TNPO2: variants seen among roughly 807,000 people sequenced by gnomAD.
TNPO2 encodes transportin-2.
A neutral mutation model predicts 111.1 loss-of-function variants in TNPO2; 16 were observed. The observed-to-expected ratio is 0.14, with a 90% CI of 0.10 to 0.22. The LOEUF (loss-of-function observed/expected upper bound fraction) is 0.22. TNPO2 is among the 10% of genes least tolerant of loss of function. The pLI, the probability that TNPO2 is intolerant of heterozygous loss-of-function variation, is 1.00. For synonymous variants in TNPO2, 481 were observed against 475.8 expected (o/e 1.01, Z -0.14); for missense variants, 530 against 1,173.7 (o/e 0.45, Z 8.01).
rs2025189793 is a variant in TNPO2 at position 12,699,705 on chromosome 19, C to T, written c.*1559G>A. ...GGCTTCCAGAGACCTGCTCGAGTTT[C>T]ATGGGGTGGGCGTGCAGGGACACCC... On this transcript the variant is annotated 3_prime_UTR_variant, in exon 26 of 26. Transcript: ENST00000425528. 2 of 149,378 alleles carry T rather than the reference C, an allele frequency of 1.3e-5. No homozygotes were observed. Among genetic ancestry groups the T allele is most frequent in the South Asian group, 4.2e-4 (2 of 4,744 alleles). 9.3% of individuals were successfully genotyped at this position (149,378 alleles called of 1,614,324 possible). A position where few individuals can be genotyped will look rare whatever the true frequency, so the allele number is the denominator to read the frequency against.
rs749119033 is a variant in TNPO2, at chr19:12,705,443, C to T, written c.1864-45G>A. On this transcript the variant is annotated intron_variant, in intron 17 of 25. Coordinates refer to ENST00000425528, the MANE Select transcript of TNPO2 (RefSeq NM_001382241.1). The surrounding 1 kb of genome is among the most constrained non-coding windows in gnomAD (Gnocchi z 7.2). The stretch of plus-strand genomic sequence containing the variant: ...GGGGCACGGGTAAGTGGAGCAGGCC[C>T]GAGGCAGGCCAATGCAGAAGCACAG... The T allele has an allele frequency of 5.0e-5, 79 of 1,573,856 alleles. No homozygotes were observed. Among genetic ancestry groups the T allele is most frequent in the Non-Finnish European group, 6.1e-5 (71 of 1,159,638 alleles).
chr19:12,707,141 G>A (rs2145500929), intron 13 of TNPO2, among the ~76,000 whole-genome samples: 1 of 152,270 alleles, frequency 6.6e-6, no homozygotes, highest in East Asian at 1.9e-4. Flanking sequence ...GGGATTACAG[G>A]CCTCTGCCAC....
chr19:12,702,819 C>A lies in TNPO2; in HGVS notation c.2305+4G>T. On this transcript the variant is annotated splice_donor_region_variant and intron_variant, in intron 21 of 25. Coordinates refer to ENST00000425528, the MANE Select transcript of TNPO2 (RefSeq NM_001382241.1). This position sits in a 1 kb window ranked among gnomAD's most constrained non-coding sequence, Gnocchi z 5.5. The stretch of plus-strand genomic sequence containing the variant: ...TGCAGGCAGCAGCCGGGCCAGGTGC[C>A]CACCTGTGTTTTCCAGCAGTGTCTT... 6.2e-7 allele frequency: 1 copy of A among 1,613,692 alleles called. No individual in the cohort carries two copies. Among genetic ancestry groups the A allele is most frequent in the Non-Finnish European group, 8.5e-7 (1 of 1,179,656 alleles).
chr19:12,717,009 T>C (rs1295545031), intron 5 of TNPO2, among the ~76,000 whole-genome samples: 1 of 152,066 alleles, frequency 6.6e-6, no homozygotes, highest in Non-Finnish European at 1.5e-5. Context: ...GCCAGGACAG[T>C]GCACATATCT....
At chr19:12,717,460 T>G (rs951165981) in intron 5 of TNPO2, among the ~76,000 whole-genome samples, 1 of 151,480 alleles carries the variant, frequency 6.6e-6, no homozygotes, top group Non-Finnish European at 1.5e-5. Context: ...TTAGTAGAGA[T>G]AGAGTTTCAC....
rs780055881 is a variant in TNPO2 at position 12,719,954 on chromosome 19, CTTTT to C, written c.100-622_100-619del. 2.1e-5 allele frequency among the ~76,000 whole-genome samples: 3 copies of C among 141,480 alleles called. No homozygotes were observed. Among genetic ancestry groups the C allele is most frequent in the Middle Eastern group, 3.7e-3 (1 of 272 alleles). The allele number at this position is 141,480 out of a possible 152,430, so 92.8% of individuals were successfully genotyped here. A position where few individuals can be genotyped will look rare whatever the true frequency, so the allele number is the denominator to read the frequency against. ...GATCCCCACTAACAGGCCATGAAGACTTTTTTTTTTTTTTTAAAAGAGGGAATCC... is the reference window on the plus strand; with the variant it reads ...GATCCCCACTAACAGGCCATGAAGACTTTTTTTTTTTAAAAGAGGGAATCC... On this transcript the variant is annotated intron_variant, in intron 3 of 25. Transcript: ENST00000425528. The surrounding 1 kb of genome is among the most constrained non-coding windows in gnomAD (Gnocchi z 5.0).
Position 12,701,746 on chromosome 19 carries a change from C to T in TNPO2, c.2511+6G>A. The T allele has an allele frequency of 6.2e-7, 1 of 1,613,654 alleles. No individual in the cohort carries two copies. Among genetic ancestry groups the T allele is most frequent in the Non-Finnish European group, 8.5e-7 (1 of 1,179,738 alleles). On this transcript the variant is annotated splice_donor_region_variant and intron_variant, in intron 23 of 25. Coordinates refer to ENST00000425528, the MANE Select transcript of TNPO2 (RefSeq NM_001382241.1). This position sits in a 1 kb window ranked among gnomAD's most constrained non-coding sequence, Gnocchi z 5.0. ...GCGCCTGCCCTCAGAGCCCAGCTGC[C>T]CCAACCTGCACAACGCCCCCCGGGT...
At chr19:12,710,517 G>T in intron 13 of TNPO2, 104 bp downstream of exon 13, 1 of 1,350,208 alleles carries the variant, frequency 7.4e-7, no homozygotes, top group Non-Finnish European at 1.0e-6. Flanking sequence ...TTGGAGTGGG[G>T]TGAGTAGGCC....
chr19:12,711,274 A>C (rs751769554), intron 12 of TNPO2, 22 bp downstream of exon 12: 57 of 1,606,102 alleles, frequency 3.5e-5, no homozygotes, highest in Non-Finnish European at 4.4e-5. Context: ...CCCCACCACC[A>C]CCCCCAGGCA....
chr19:12,706,800 A>C lies in TNPO2; in HGVS notation c.1271-5T>G. 1 of 1,596,034 alleles carries C rather than the reference A, an allele frequency of 6.3e-7. No individual in the cohort carries two copies. Among genetic ancestry groups the C allele is most frequent in the Non-Finnish European group, 8.5e-7 (1 of 1,171,902 alleles). On this transcript the variant is annotated splice_polypyrimidine_tract_variant and splice_region_variant and intron_variant, in intron 13 of 25. Coordinates refer to ENST00000425528, the MANE Select transcript of TNPO2 (RefSeq NM_001382241.1). The surrounding 1 kb of genome is among the most constrained non-coding windows in gnomAD (Gnocchi z 7.0). ...GCACCATGCCCTGCATGCAGCCTAC[A>C]AGGAAAGGGAACCAAGAGGGGGCAG... is the stretch of plus-strand genomic sequence containing the variant.
Position 12,702,184 on chromosome 19 carries a change from C to G in TNPO2, c.2306-7G>C. The G allele has an allele frequency of 1.2e-6, 2 of 1,611,292 alleles. No homozygotes were observed. Among genetic ancestry groups the G allele is most frequent in the Non-Finnish European group, 1.7e-6 (2 of 1,178,870 alleles). On this transcript the variant is annotated splice_region_variant and splice_polypyrimidine_tract_variant and intron_variant, in intron 21 of 25. Transcript: ENST00000425528. This position sits in a 1 kb window ranked among gnomAD's most constrained non-coding sequence, Gnocchi z 5.5. Reference sequence around the variant, plus strand: ...GAGGGACTCGTCAGGCGACCTGCAACCCCGAGCGGCCCCGGGACGGTACGT... The same window carrying G: ...GAGGGACTCGTCAGGCGACCTGCAAGCCCGAGCGGCCCCGGGACGGTACGT...
chr19:12,718,014 GT>G (rs962831259), intron 5 of TNPO2, among the ~76,000 whole-genome samples: 3 of 150,888 alleles, frequency 2.0e-5, no homozygotes, highest in Non-Finnish European at 4.4e-5. Context: ...ATTTTATTTA[GT>G]TTTTTTTGAG....
intron 13 of TNPO2, among the ~76,000 whole-genome samples, chr19:12,709,642 GTTTTTTT>G (rs78853226): frequency 8.1e-6 from 1 of 122,916 alleles, no homozygotes; most frequent in Non-Finnish European, 1.7e-5. Context: ...ATTTTATCAG[GTTTTTTT>G]TTTTTTTTTT....
rs2025265834 is a variant in TNPO2, at chr19:12,701,093, T to TGGACGGATGGAC, written c.*159_*170dup. 4.7e-6 allele frequency: 2 copies of TGGACGGATGGAC among 428,732 alleles called. No individual in the cohort carries two copies. The highest frequency in any genetic ancestry group is 4.0e-5 in the African/African-American group (2 of 49,506). The allele number at this position is 428,732 out of a possible 1,614,324, so 26.6% of individuals were successfully genotyped here. On this transcript the variant is annotated 3_prime_UTR_variant, in exon 26 of 26. Coordinates refer to ENST00000425528, the MANE Select transcript of TNPO2 (RefSeq NM_001382241.1). The surrounding 1 kb of genome is among the most constrained non-coding windows in gnomAD (Gnocchi z 5.0). ...CCCACCCACCTGCCAGGAGGGCAAG[T>TGGACGGATGGAC]GGACGGATGGACGGACGGACGGACG...
rs374385228 is a variant in TNPO2, at chr19:12,711,361, C to A, written c.1052G>T (p.Arg351Leu). The change falls in exon 12 of 26, where the codon CGG becomes CTG. Residue 351 changes from arginine (R) to leucine (L), a missense_variant. Physicochemically the swap from Arg to Leu is moderately radical, Grantham distance 102 (BLOSUM62 -2). Coordinates refer to ENST00000425528, the MANE Select transcript of TNPO2 (RefSeq NM_001382241.1). ...RTVTLPHEAE[R>L]PDGSEDAEDD... ...CTCCGCGTCCTCGGAGCCATCAGGC[C>A]GCTCAGCCTCGTGGGGCAGTGTGAC... 1 of 1,613,888 alleles carries A rather than the reference C, an allele frequency of 6.2e-7. No homozygotes were observed. Among genetic ancestry groups the A allele is most frequent in the South Asian group, 1.1e-5 (1 of 91,088 alleles).
Position 12,715,813 on chromosome 19 carries a change from C to G in TNPO2, c.326-74G>C. The G allele has an allele frequency of 1.7e-6, 2 of 1,188,912 alleles. No homozygotes were observed. Among genetic ancestry groups the G allele is most frequent in the South Asian group, 1.3e-5 (1 of 76,316 alleles). The allele number at this position is 1,188,912 out of a possible 1,614,324, so 73.6% of individuals were successfully genotyped here. A position where few individuals can be genotyped will look rare whatever the true frequency, so the allele number is the denominator to read the frequency against. On this transcript the variant is annotated intron_variant, in intron 5 of 25. Coordinates refer to ENST00000425528, the MANE Select transcript of TNPO2 (RefSeq NM_001382241.1). The surrounding 1 kb of genome is among the most constrained non-coding windows in gnomAD (Gnocchi z 7.1). ...TAGCACCTCCCCCTCCCACTGGACA[C>G]CCCCAGTGCTGCCTTTCTGTTCCCT...
rs1219811066 is a variant in TNPO2 at position 12,703,288 on chromosome 19, TG to T, written c.2209+139del. 3 of 698,740 alleles carry T rather than the reference TG, an allele frequency of 4.3e-6. No individual in the cohort carries two copies. In the East Asian group the frequency reaches 7.9e-5, roughly 18 times the overall value. The allele number at this position is 698,740 out of a possible 1,614,324, so 43.3% of individuals were successfully genotyped here. On this transcript the variant is annotated intron_variant, in intron 20 of 25. Transcript: ENST00000425528. ...CCTCTTTAGAGAAGCCAATCACAAA[TG>T]ACCTTTCTGCTTGGCTCCACCCCTG... is the stretch of plus-strand genomic sequence containing the variant.
In TNPO2 at chr19:12,715,104, C is replaced by A; in HGVS notation, c.714G>T (p.Val238=). 6.3e-7 allele frequency: 1 copy of A among 1,586,390 alleles called. No homozygotes were observed. Among genetic ancestry groups the A allele is most frequent in the South Asian group, 1.2e-5 (1 of 86,214 alleles). Residue 238 remains valine, a synonymous_variant, in exon 9 of 26, where the codon GTG becomes GTT. Transcript: ENST00000425528. The surrounding 1 kb of genome is among the most constrained non-coding windows in gnomAD (Gnocchi z 7.1). ...EVRKNVCRAL[V]MLLEVRIDRL... ...TGTCAATCCGCACTTCCAGAAGCAT[C>A]ACCAGGGCACGGCACACATTCTTCC...
Position 12,705,297 on chromosome 19 carries a change from G to A in TNPO2, c.1965C>T (p.His655=), listed in dbSNP as rs376449023. ...TGCTGCGGGCCACCAGCTGCTCCACGTGACCACCCAGGCCCTCGGCCAGGC... is the reference window on the plus strand; with the variant it reads ...TGCTGCGGGCCACCAGCTGCTCCACATGACCACCCAGGCCCTCGGCCAGGC... The part of the protein sequence containing the change: ...LSGLAEGLGG[H]VEQLVARSNI... Residue 655 remains histidine (H), a synonymous_variant, in exon 18 of 26, where the codon CAC becomes CAT. Coordinates refer to ENST00000425528, the MANE Select transcript of TNPO2 (RefSeq NM_001382241.1). The surrounding 1 kb of genome is among the most constrained non-coding windows in gnomAD (Gnocchi z 7.2). 35 of 1,602,726 alleles carry A rather than the reference G, an allele frequency of 2.2e-5. No homozygotes were observed. Among genetic ancestry groups the A allele is most frequent in the African/African-American group, 6.7e-5 (5 of 74,660 alleles).
Sources: gnomAD v4.1 joint callset for allele counts (sites outside exome capture counted in the v4.1 genomes callset) on GRCh38, gnomAD v4.1.1 for gene constraint, Gnocchi (gnomAD v3.1) non-coding constraint, MANE v1.5 for transcripts, NCBI Gene and HGNC (gene_info 2026-07-23, HGNC 2026-07-21) for gene names.